The following CDH13 variants were observed in gnomAD, a reference collection of about 807,000 sequenced individuals.
CDH13 encodes cadherin-13.
Under a neutral mutation model 63.8 loss-of-function variants are expected in CDH13, and 24 were observed. That is an observed-to-expected ratio of 0.38 (90% confidence interval 0.27 to 0.53). The LOEUF (loss-of-function observed/expected upper bound fraction) is 0.53. Ranked by LOEUF, CDH13 falls within the 20% of genes least tolerant of loss-of-function variation. CDH13 has a pLI of 0.85. For synonymous variants in CDH13, 503 were observed against 355.3 expected, an observed-to-expected ratio of 1.42 and a Z score of -4.67; for missense variants, 1,049 against 903.1, an observed-to-expected ratio of 1.16 and a Z score of -2.07.
At chr16:82,903,067 G>A (rs191793415) in intron 2 of CDH13, among the ~76,000 whole-genome samples, 36 of 152,314 alleles carry the variant, frequency 2.4e-4, no homozygotes, top group African/African-American at 7.7e-4. Context: ...TATAAAGATG[G>A]TAATGGAAAA....
rs146424130 is a variant in CDH13 at position 83,134,704 on chromosome 16, A to G, written c.483+9203A>G. 5.1e-3 allele frequency among the ~76,000 whole-genome samples: 774 copies of G among 151,978 alleles called. 4 individuals carry two copies. Among genetic ancestry groups the G allele is most frequent in the Non-Finnish European group, 7.7e-3 (526 of 68,026 alleles). On this transcript the variant is annotated intron_variant, in intron 4 of 13. Coordinates refer to ENST00000567109, the MANE Select transcript of CDH13 (RefSeq NM_001257.5). The stretch of plus-strand genomic sequence containing the variant: ...TCTTTTTTCACAACTGAACACAGTC[A>G]ATTCTAACTTATTTTTGCTAAGTCT...
At position 83,273,601 on chromosome 16, in the gene CDH13, T is replaced by C. The variant is rs888325878; in HGVS notation, c.636+56104T>C. Among the ~76,000 whole-genome samples, 55 of 152,154 alleles carry C rather than the reference T, an allele frequency of 3.6e-4. 1 individual carries two copies. Among genetic ancestry groups the C allele is most frequent in the Admixed American group, 3.5e-3 (54 of 15,276 alleles). On this transcript the variant is annotated intron_variant, in intron 5 of 13. Transcript: ENST00000567109. ...TGGATGGAGCTGTGGACCATTATCCTAAACAATATGAATTCTTAAGAAGCC... is the reference window on the plus strand; with the variant it reads ...TGGATGGAGCTGTGGACCATTATCCCAAACAATATGAATTCTTAAGAAGCC...
intron 2 of CDH13, among the ~76,000 whole-genome samples, chr16:82,966,323 G>T (rs1259579905): frequency 1.4e-5 from 2 of 139,982 alleles, no homozygotes; most frequent in Admixed American, 1.5e-4. Context: ...TAATTTTTTT[G>T]TATTTTTAGT....
At chr16:83,453,129 C>G (rs1567682632) in intron 6 of CDH13, among the ~76,000 whole-genome samples, 1 of 152,158 alleles carries the variant, frequency 6.6e-6, no homozygotes, top group Non-Finnish European at 1.5e-5. Flanking sequence ...AATGGAAAAC[C>G]AAACATTGTG....
At chr16:82,816,153 C>T (rs1030420178) in intron 1 of CDH13, among the ~76,000 whole-genome samples, 17 of 152,236 alleles carry the variant, frequency 1.1e-4, no homozygotes, top group South Asian at 6.2e-4. Context: ...CAGGGTCAGC[C>T]TCTCTCTTAC....
In CDH13 at chr16:83,636,347, G is replaced by C. The variant is rs181673086; in HGVS notation, c.1101+33753G>C. On this transcript the variant is annotated intron_variant, in intron 8 of 13. Transcript: ENST00000567109. ...TTAGATTGCAGGAATACATGTGCAG[G>C]TTTGTTACGAAGGTATATTACATGA... Among the ~76,000 whole-genome samples the C allele has an allele frequency of 3.3e-5, 5 of 152,222 alleles. No homozygotes were observed. The East Asian group carries it at 9.7e-4, about 29-fold the overall frequency.
At chr16:83,362,305 A>G (rs1567617588) in intron 6 of CDH13, among the ~76,000 whole-genome samples, 1 of 152,200 alleles carries the variant, frequency 6.6e-6, no homozygotes, top group East Asian at 1.9e-4. Flanking sequence ...TATTATGGCA[A>G]TGTCACAGCC....
chr16:83,008,203 G>A (rs899772826), intron 2 of CDH13, among the ~76,000 whole-genome samples: 13 of 152,164 alleles, frequency 8.5e-5, no homozygotes, highest in Non-Finnish European at 1.6e-4. Context: ...TATGGGATAC[G>A]TTTTAATAAT....
At chr16:82,780,836 A>G (rs551644813) in intron 1 of CDH13, among the ~76,000 whole-genome samples, 4 of 152,336 alleles carry the variant, frequency 2.6e-5, no homozygotes, top group African/African-American at 9.6e-5. Context: ...AAGTTGTAAT[A>G]AAAACTGTAA....
chr16:83,747,475 T>C (rs1051394999), intron 10 of CDH13, among the ~76,000 whole-genome samples: 2 of 152,162 alleles, frequency 1.3e-5, no homozygotes, highest in Non-Finnish European at 2.9e-5. Flanking sequence ...ACTGTGAGTC[T>C]ATTAAAACTC....
Position 83,506,040 on chromosome 16 carries a change from C to T in CDH13, c.960+19385C>T, listed in dbSNP as rs562267012. ...AGGGAATGGGTAGAAGTGGAATTCA[C>T]ACCCAGGTCAGTGTAAGACCAAAGA... is the stretch of plus-strand genomic sequence containing the variant. On this transcript the variant is annotated intron_variant, in intron 7 of 13. Coordinates refer to ENST00000567109, the MANE Select transcript of CDH13 (RefSeq NM_001257.5). 1.7e-3 allele frequency among the ~76,000 whole-genome samples: 266 copies of T among 152,306 alleles called. 5 individuals carry two copies. In the South Asian group the frequency reaches 0.04, roughly 23 times the overall value.
chr16:83,389,105 T>A (rs1423876159), intron 6 of CDH13, among the ~76,000 whole-genome samples: 1 of 152,214 alleles, frequency 6.6e-6, no homozygotes, highest in Non-Finnish European at 1.5e-5. Flanking sequence ...TTAAAAAGAC[T>A]TGGCTTGAAG....
At position 83,171,605 on chromosome 16, in the gene CDH13, A is replaced by C. The variant is rs937690585; in HGVS notation, c.484-45740A>C. 1.1e-5 allele frequency: 17 copies of C among 1,491,810 alleles called. No homozygotes were observed. In the East Asian group the frequency reaches 3.7e-4, roughly 32 times the overall value. The allele number at this position is 1,491,810 out of a possible 1,614,324, so 92.4% of individuals were successfully genotyped here. The stretch of plus-strand genomic sequence containing the variant: ...GAAATTTTGAAATATCTGTGTCTCT[A>C]TCTTCATTTCCTTGTTTGTGTCTCC... On this transcript the variant is annotated intron_variant, in intron 4 of 13. Coordinates refer to ENST00000567109, the MANE Select transcript of CDH13 (RefSeq NM_001257.5).
intron 10 of CDH13, among the ~76,000 whole-genome samples, chr16:83,706,680 C>T (rs922252312): frequency 3.3e-5 from 5 of 152,172 alleles, no homozygotes; most frequent in African/African-American, 1.2e-4. Context: ...GAAGAAAACA[C>T]ATATGCAGGC....
At chr16:83,146,350 A>G (rs1287996152) in intron 4 of CDH13, among the ~76,000 whole-genome samples, 1 of 152,240 alleles carries the variant, frequency 6.6e-6, no homozygotes, top group South Asian at 2.1e-4. Flanking sequence ...GGCTTATGCC[A>G]TGTAGGGGTT....
intron 2 of CDH13, among the ~76,000 whole-genome samples, chr16:82,934,116 A>G (rs577195652): frequency 6.2e-4 from 95 of 152,318 alleles, no homozygotes; most frequent in Non-Finnish European, 1.1e-3. Flanking sequence ...CCCCTTCTGC[A>G]CTTCCCTAGC....
At position 83,743,748 on chromosome 16, in the gene CDH13, C is replaced by CTTTTTTTTTT. The variant is rs67886035; in HGVS notation, c.1539-4350_1539-4341dup. Among the ~76,000 whole-genome samples, 53 of 76,262 alleles carry CTTTTTTTTTT rather than the reference C, an allele frequency of 6.9e-4. 6 individuals are homozygous for CTTTTTTTTTT. The highest frequency in any genetic ancestry group is 1.4e-3 in the Admixed American group (6 of 4,236). The allele number at this position is 76,262 out of a possible 152,430, so 50.0% of individuals were successfully genotyped here. On this transcript the variant is annotated intron_variant, in intron 10 of 13. Coordinates refer to ENST00000567109, the MANE Select transcript of CDH13 (RefSeq NM_001257.5). Reference sequence around the variant, plus strand: ...TGATGAGTTGCCTTTTTTCTTTTTTCTTTTTTTTTTTTTTTTTTTCTTTGC... The same window carrying CTTTTTTTTTT: ...TGATGAGTTGCCTTTTTTCTTTTTTCTTTTTTTTTTTTTTTTTTTTTTTTTTTTTCTTTGC...
chr16:82,892,940 C>T (rs896405523), intron 2 of CDH13, among the ~76,000 whole-genome samples: 10 of 152,226 alleles, frequency 6.6e-5, no homozygotes, highest in African/African-American at 2.2e-4. Flanking sequence ...ACATTTGGCT[C>T]TCCAAGACAA....
chr16:82,730,174 A>C (rs942808860), intron 1 of CDH13, among the ~76,000 whole-genome samples: 1 of 152,204 alleles, frequency 6.6e-6, no homozygotes, highest in African/African-American at 2.4e-5. Context: ...TATTTCATTC[A>C]AGAGCTTTCT....
Sources: allele counts gnomAD v4.1 joint callset (sites outside exome capture counted in the v4.1 genomes callset), GRCh38; gene constraint gnomAD v4.1.1; transcripts MANE v1.5; gene names NCBI Gene and HGNC (gene_info 2026-07-23, HGNC 2026-07-21).